Variants in KIF17 observed in about 807,000 individuals in gnomAD.
KIF17 encodes kinesin family member 17, also known as kinesin-like protein KIF17.
A neutral mutation model predicts 96.8 loss-of-function variants in KIF17; 80 were observed. The observed-to-expected ratio is 0.83, with a 90% CI of 0.69 to 1.00. The LOEUF (loss-of-function observed/expected upper bound fraction) is 1.00, where lower values mean the gene tolerates loss of function less well. KIF17 is among the 50% of genes least tolerant of loss of function. The pLI is 0.00. For missense variants in KIF17, 1,280 were observed against 1,372.9 expected, an observed-to-expected ratio of 0.93 and a Z score of 1.07; for synonymous variants, 567 against 587.5, an observed-to-expected ratio of 0.97 and a Z score of 0.51.
In KIF17 at chr1:20,672,220, G is replaced by A. The variant is rs756359075; in HGVS notation, c.2464-24C>T. On this transcript the variant is annotated intron_variant, in intron 11 of 14. Coordinates refer to ENST00000400463, the MANE Select transcript of KIF17 (RefSeq NM_001122819.3). This position sits in a 1 kb window ranked among gnomAD's most constrained non-coding sequence, Gnocchi z 4.3. The stretch of plus-strand genomic sequence containing the variant: ...AGCTGAAAGCAAAGGATGACAAGCA[G>A]TGAGCAGGGAAAGATACCTCCCCTT... 1.3e-4 allele frequency: 203 copies of A among 1,613,344 alleles called. 1 individual carries two copies. The highest frequency in any genetic ancestry group is 1.7e-4 in the Non-Finnish European group (196 of 1,179,932).
chr1:20,706,045 A>G (rs1217405982), intron 4 of KIF17, among the ~76,000 whole-genome samples: 3 of 151,276 alleles, frequency 2.0e-5, no homozygotes, highest in Non-Finnish European at 2.9e-5. Flanking sequence ...AGTAGCTGGG[A>G]CTGAAGGCGT....
intron 13 of KIF17, among the ~76,000 whole-genome samples, chr1:20,669,440 G>C (rs2053596989): frequency 6.6e-6 from 1 of 151,620 alleles, no homozygotes. Context: ...GGGAGGCTGA[G>C]GCCGGAGAAT....
chr1:20,713,993 C>T (rs2054529999), intron 2 of KIF17, among the ~76,000 whole-genome samples: 2 of 151,994 alleles, frequency 1.3e-5, no homozygotes, highest in African/African-American at 2.4e-5. Context: ...TCGAGACCAG[C>T]CTGACCAACA....
chr1:20,678,451 C>T (rs1386134646), intron 11 of KIF17, among the ~76,000 whole-genome samples: 1 of 152,088 alleles, frequency 6.6e-6, no homozygotes, highest in Admixed American at 6.5e-5. Flanking sequence ...ATCCTAGGTA[C>T]CTGAGGATGA....
intron 5 of KIF17, among the ~76,000 whole-genome samples, chr1:20,702,540 G>A (rs1270378252): frequency 1.3e-5 from 2 of 152,022 alleles, no homozygotes; most frequent in East Asian, 3.9e-4. Flanking sequence ...GAGGTGGAAT[G>A]CCTTGCAATG....
Position 20,699,778 on chromosome 1 carries a change from G to C in KIF17, c.1124-1290C>G, listed in dbSNP as rs1042054804. 7.2e-5 allele frequency among the ~76,000 whole-genome samples: 11 copies of C among 152,152 alleles called. No homozygotes were observed. The highest frequency in any genetic ancestry group is 1.5e-4 in the Non-Finnish European group (10 of 68,030). ...CCTGGCCCAGCCAGGAGGCCAGTGT[G>C]GCTGGAGGGGAGGGAGTGATGGGCA... On this transcript the variant is annotated intron_variant, in intron 5 of 14. Transcript: ENST00000400463. This position sits in a 1 kb window ranked among gnomAD's most constrained non-coding sequence, Gnocchi z 4.3.
chr1:20,705,036 G>A (rs1049585146), intron 4 of KIF17, 137 bp from the exon 5 acceptor site: 4 of 771,156 alleles, frequency 5.2e-6, no homozygotes, highest in Non-Finnish European at 8.9e-6. Flanking sequence ...CAGGAAGCAG[G>A]TGCTATTATT....
In KIF17 at chr1:20,717,684, A is replaced by G. The variant is rs532543247; in HGVS notation, c.23T>C (p.Val8Ala). 5.4e-5 allele frequency: 87 copies of G among 1,598,662 alleles called. No individual in the cohort carries two copies. In the African/African-American group the frequency reaches 5.9e-4, roughly 11 times the overall value. ...GTTCATGGGACGGCAGCGCACGACA[A>G]CCTTCACCGCCTCGGAGGCCATGGC... MASEAVK[V>A]VVRCRPMNQR... The change falls in exon 1 of 15, where the codon GTT becomes GCT. Residue 8 changes from valine (V) to alanine (A), a missense_variant. Physicochemically the swap from Val to Ala is moderately conservative, Grantham distance 64. Transcript: ENST00000400463.
At chr1:20,713,184 T>A (rs796578973) in intron 3 of KIF17, among the ~76,000 whole-genome samples, 5 of 150,806 alleles carry the variant, frequency 3.3e-5, no homozygotes, top group African/African-American at 1.2e-4. Context: ...TTAGTAGAGA[T>A]GGGTTTTCAC....
Position 20,717,866 on chromosome 1 carries a change from CCCCGGAG to C in KIF17, c.-167_-161del. On this transcript the variant is annotated 5_prime_UTR_variant, in exon 1 of 15. Transcript: ENST00000400463. ...GGGGGCGGGGACCCCTCGGGGGGCGCCCCGGAGGGGAGCTGGGCGTCGCAGGACCCGA... is the reference window on the plus strand; with the variant it reads ...GGGGGCGGGGACCCCTCGGGGGGCGCGGGAGCTGGGCGTCGCAGGACCCGA... The C allele has an allele frequency of 7.8e-6, 3 of 386,854 alleles. No homozygotes were observed. The highest frequency in any genetic ancestry group is 9.3e-6 in the Non-Finnish European group (3 of 321,216). 24.0% of individuals were successfully genotyped at this position (386,854 alleles called of 1,614,324 possible).
Position 20,664,602 on chromosome 1 carries a change from A to G in KIF17, c.3069T>C (p.Phe1023=), listed in dbSNP as rs753349869. The G allele has an allele frequency of 9.3e-6, 15 of 1,608,528 alleles. No individual in the cohort carries two copies. In the East Asian group the frequency reaches 2.7e-4, roughly 29 times the overall value. Reference sequence around the variant, plus strand: ...GCTGTGCTCACAGAGGCTCACTGCCAAAGTTGCTTTTGCTTTTCTTACGCT... The same window carrying G: ...GCTGTGCTCACAGAGGCTCACTGCCGAAGTTGCTTTTGCTTTTCTTACGCT... ...KAKRKKSKSN[F]GSEPL is the part of the protein sequence containing the mutation. The change falls in exon 15 of 15, where the codon TTT becomes TTC. Residue 1023 remains phenylalanine (F), a synonymous_variant. Coordinates refer to ENST00000400463, the MANE Select transcript of KIF17 (RefSeq NM_001122819.3).
In KIF17 at chr1:20,700,602, C is replaced by T. The variant is rs533937600; in HGVS notation, c.1124-2114G>A. Among the ~76,000 whole-genome samples, 92 of 152,244 alleles carry T rather than the reference C, an allele frequency of 6.0e-4. 1 individual carries two copies. The Middle Eastern group carries it at 0.034, about 56-fold the overall frequency. On this transcript the variant is annotated intron_variant, in intron 5 of 14. Coordinates refer to ENST00000400463, the MANE Select transcript of KIF17 (RefSeq NM_001122819.3). This position sits in a 1 kb window ranked among gnomAD's most constrained non-coding sequence, Gnocchi z 4.6. Reference sequence around the variant, plus strand: ...TATTACACAGCTACAGATTCAAGTCCGGAATTCAGAGGACATGGTATAGTA... The same window carrying T: ...TATTACACAGCTACAGATTCAAGTCTGGAATTCAGAGGACATGGTATAGTA...
At chr1:20,666,074 C>A (rs1417327246) in intron 14 of KIF17, 140 bp downstream of exon 14, 29 of 756,942 alleles carry the variant, frequency 3.8e-5, no homozygotes, top group Middle Eastern at 2.3e-4. Flanking sequence ...GGTGTTACCC[C>A]CCTCATTTTG....
intron 6 of KIF17, among the ~76,000 whole-genome samples, chr1:20,695,110 G>A (rs550667565): frequency 2.8e-4 from 41 of 148,680 alleles, no homozygotes; most frequent in Admixed American, 1.7e-3. Context: ...GCACATGCAC[G>A]CACACGCATA....
At chr1:20,665,561 C>T (rs955442261) in intron 14 of KIF17, among the ~76,000 whole-genome samples, 10 of 151,848 alleles carry the variant, frequency 6.6e-5, no homozygotes, top group African/African-American at 1.5e-4. Flanking sequence ...CACTACCGCC[C>T]GGCTAATTTT....
chr1:20,686,331 G>A (rs562555490), intron 8 of KIF17: 7 of 627,058 alleles, frequency 1.1e-5, no homozygotes, highest in South Asian at 3.6e-5. Flanking sequence ...GAAGACAGGC[G>A]TGTGGTGGGC....
In KIF17 at chr1:20,674,947, C is replaced by T. The variant is rs141180069; in HGVS notation, c.2464-2751G>A. Among the ~76,000 whole-genome samples, 927 of 151,056 alleles carry T rather than the reference C, an allele frequency of 6.1e-3. 12 individuals are homozygous for T. Among genetic ancestry groups the T allele is most frequent in the African/African-American group, 0.019 (796 of 41,070 alleles). ...GATGGATCACCTGAGGTCAGGAGTT[C>T]GAGACCAGCCTGACCAATATGGTGA... On this transcript the variant is annotated intron_variant, in intron 11 of 14. Transcript: ENST00000400463.
chr1:20,665,883 GCTGGCGCGTAA>G (rs1322496058), intron 14 of KIF17, among the ~76,000 whole-genome samples: 1 of 152,128 alleles, frequency 6.6e-6, no homozygotes, highest in Non-Finnish European at 1.5e-5. Flanking sequence ...TCGCCAGGAA[GCTGGCGCGTAA>G]CTAGTGAGGC....
intron 13 of KIF17, among the ~76,000 whole-genome samples, chr1:20,670,071 C>G (rs1317620785): frequency 2.0e-5 from 3 of 151,536 alleles, no homozygotes; most frequent in Non-Finnish European, 4.4e-5. Context: ...CTTCATGAAC[C>G]CTGTGAGGAC....
Sources: gnomAD v4.1 joint callset for allele counts (sites outside exome capture counted in the v4.1 genomes callset) on GRCh38, gnomAD v4.1.1 for gene constraint, Gnocchi (gnomAD v3.1) non-coding constraint, MANE v1.5 for transcripts, NCBI Gene and HGNC (gene_info 2026-07-23, HGNC 2026-07-21) for gene names.